SGCD: variants seen among roughly 807,000 people sequenced by gnomAD.
SGCD encodes the protein delta-sarcoglycan.
In SGCD, 18 loss-of-function variants were observed where a neutral mutation model predicts 36.6. The ratio of observed to expected loss-of-function variants is 0.49; its 90% confidence interval spans 0.34 to 0.73. The LOEUF (loss-of-function observed/expected upper bound fraction) is 0.73. Among genes scored for constraint, SGCD ranks in the 30% least tolerant of loss-of-function variants. The probability of loss-of-function intolerance (pLI) is 0.01; values close to 1 mark genes in which losing one functional copy is unlikely to be tolerated. For missense variants in SGCD, 387 were observed against 346.7 expected (o/e 1.12, Z -0.92); for synonymous variants, 133 against 130.6 (o/e 1.02, Z -0.12).
rs1771042852 is a variant in SGCD, at chr5:156,382,549, C to G, written c.192+37872C>G. On this transcript the variant is annotated intron_variant, in intron 3 of 8. Coordinates refer to ENST00000337851, the MANE Select transcript of SGCD (RefSeq NM_000337.6). The stretch of plus-strand genomic sequence containing the variant: ...TTCCGATAGTTATTCAAAACCTAAA[C>G]TTAAAAATTATGGTTTTCAAGAGCT... Among the ~76,000 whole-genome samples, 3 of 152,134 alleles carry G rather than the reference C, an allele frequency of 2.0e-5. No homozygotes were observed. The South Asian group carries it at 6.2e-4, about 32-fold the overall frequency.
At chr5:155,834,858 C>T in the SGCD span, among the ~76,000 whole-genome samples, 42 of 147,896 alleles carry the variant, frequency 2.8e-4, no homozygotes, top group Middle Eastern at 3.5e-3. Context: ...TTTCGTGAGA[C>T]GGACTCTCAC....
At chr5:156,550,197 A>T (rs1249166189) in intron 4 of SGCD, among the ~76,000 whole-genome samples, 1 of 152,206 alleles carries the variant, frequency 6.6e-6, no homozygotes, top group Non-Finnish European at 1.5e-5. Flanking sequence ...AGTGACACGG[A>T]GGTTACAGGA....
chr5:156,243,607 A>G (rs1765360102), intron 3 of SGCD, among the ~76,000 whole-genome samples: 1 of 152,220 alleles, frequency 6.6e-6, no homozygotes, highest in Non-Finnish European at 1.5e-5. Context: ...ATAGCACGGA[A>G]ACAGTGACAT....
chr5:156,484,147 A>G (rs1755559422), intron 3 of SGCD, among the ~76,000 whole-genome samples: 1 of 152,228 alleles, frequency 6.6e-6, no homozygotes, highest in African/African-American at 2.4e-5. Flanking sequence ...CTCATACTCC[A>G]GTCAACGACA....
At chr5:155,844,278 A>C in the SGCD span, among the ~76,000 whole-genome samples, 3 of 152,152 alleles carry the variant, frequency 2.0e-5, no homozygotes, top group Non-Finnish European at 4.4e-5. Context: ...TGAATTTTTT[A>C]AAAATAAAAC....
intron 4 of SGCD, among the ~76,000 whole-genome samples, chr5:156,555,654 A>G (rs1377551183): frequency 6.7e-6 from 1 of 148,832 alleles, no homozygotes; most frequent in African/African-American, 2.5e-5. Flanking sequence ...AGGAAGTGTA[A>G]GGCCTACAAA....
At chr5:156,537,305 C>G (rs745524253) in intron 4 of SGCD, among the ~76,000 whole-genome samples, 2 of 152,056 alleles carry the variant, frequency 1.3e-5, no homozygotes, top group Non-Finnish European at 2.9e-5. Context: ...AGTCTAGTCT[C>G]TCTCTGAAGC....
rs576240811 is a variant in SGCD at position 156,077,090 on chromosome 5, G to A, written c.-281-40788G>A. Among the ~76,000 whole-genome samples, 5 of 152,006 alleles carry A rather than the reference G, an allele frequency of 3.3e-5. No homozygotes were observed. In the South Asian group the frequency reaches 8.3e-4, roughly 25 times the overall value. ...CCATCTCCTCCCTCATTTCTTTTACGTTTTTCTGGATCGTCACGTGACTGA... is the reference window on the plus strand; with the variant it reads ...CCATCTCCTCCCTCATTTCTTTTACATTTTTCTGGATCGTCACGTGACTGA... On this transcript the variant is annotated intron_variant, in intron 1 of 9. Transcript: ENST00000517913.
chr5:156,510,572 G>C (rs1472197106), intron 4 of SGCD, among the ~76,000 whole-genome samples: 1 of 152,038 alleles, frequency 6.6e-6, no homozygotes, highest in Admixed American at 6.6e-5. Context: ...TTTCTGTAAA[G>C]GGCCAGAAAG....
At chr5:156,704,096 T>G (rs886457182) in intron 7 of SGCD, 2 of 152,264 alleles carry the variant, frequency 1.3e-5, no homozygotes, top group Admixed American at 1.3e-4. Context: ...GCAAATATTT[T>G]GATATTGAAT....
chr5:156,631,668 T>C (rs1252458842), intron 6 of SGCD, among the ~76,000 whole-genome samples: 3 of 151,962 alleles, frequency 2.0e-5, no homozygotes, highest in African/African-American at 7.3e-5. Flanking sequence ...AAGTGTCTTA[T>C]ACCAATTCAC....
At chr5:156,272,843 A>G (rs1018623693) in intron 3 of SGCD, among the ~76,000 whole-genome samples, 2 of 152,188 alleles carry the variant, frequency 1.3e-5, no homozygotes, top group African/African-American at 2.4e-5. Context: ...TTTGTTTGAA[A>G]AAAACACATC....
At chr5:156,392,376 C>A (rs780386357) in intron 3 of SGCD, among the ~76,000 whole-genome samples, 1 of 152,126 alleles carries the variant, frequency 6.6e-6, no homozygotes, top group African/African-American at 2.4e-5. Context: ...TCCCTTGCCC[C>A]CTCTTAGGAC....
intron 1 of SGCD, among the ~76,000 whole-genome samples, chr5:155,970,224 C>T (rs542962263): frequency 6.6e-6 from 1 of 152,212 alleles, no homozygotes; most frequent in South Asian, 2.1e-4. Context: ...TCCCATTTCA[C>T]CCATCAGCTT....
chr5:156,279,978 C>T (rs1308335000), intron 3 of SGCD, among the ~76,000 whole-genome samples: 1 of 150,876 alleles, frequency 6.6e-6, no homozygotes, highest in Non-Finnish European at 1.5e-5. Flanking sequence ...TTGAAACACA[C>T]ATACAAACAC....
At chr5:156,322,662 C>A (rs1450143151), upstream of SGCD, among the ~76,000 whole-genome samples, 1 of 152,088 alleles carries the variant, frequency 6.6e-6, no homozygotes, top group African/African-American at 2.4e-5. Context: ...TGAACACAGG[C>A]AATTTCTAGG....
At chr5:156,327,321 T>C (rs1239373230) in intron 1 of SGCD, 89 bp downstream of exon 1, 1 of 152,358 alleles carries the variant, frequency 6.6e-6, no homozygotes. Context: ...TCCGAGTTTT[T>C]AGTGTGTGCA....
chr5:156,327,846 G>A (rs1004116853), intron 1 of SGCD, among the ~76,000 whole-genome samples: 2 of 152,114 alleles, frequency 1.3e-5, no homozygotes, highest in Non-Finnish European at 2.9e-5. Context: ...GAATTATGCT[G>A]GATCAACATT....
intron 3 of SGCD, among the ~76,000 whole-genome samples, chr5:156,157,335 A>G (rs979032788): frequency 6.6e-6 from 1 of 151,726 alleles, no homozygotes; most frequent in Non-Finnish European, 1.5e-5. Context: ...TGAGAAAACT[A>G]ACTCTCAAAT....
Sources: gnomAD v4.1 joint callset for allele counts (sites outside exome capture counted in the v4.1 genomes callset) on GRCh38, gnomAD v4.1.1 for gene constraint, MANE v1.5 for transcripts, NCBI Gene and HGNC (gene_info 2026-07-23, HGNC 2026-07-21) for gene names.